The following RBFOX1 variants were observed in gnomAD, a reference collection of about 807,000 sequenced individuals.
RBFOX1 encodes RNA binding fox-1 homolog 1.
Under a neutral mutation model 57.7 loss-of-function variants are expected in RBFOX1, and 8 were observed. The ratio of observed to expected loss-of-function variants is 0.14; its 90% CI spans 0.08 to 0.25. The LOEUF (loss-of-function observed/expected upper bound fraction) is 0.25, where lower values mean the gene tolerates loss of function less well. Among genes scored for constraint, RBFOX1 ranks in the 10% least tolerant of loss-of-function variants. The pLI is 1.00. For synonymous variants in RBFOX1, 326 were observed against 222.4 expected (o/e 1.47, Z -4.15); for missense variants, 611 against 548.5 (o/e 1.11, Z -1.14).
chr16:6,977,316 A>G lies in RBFOX1; in HGVS notation c.-15-74741A>G, dbSNP rs576524054. On this transcript the variant is annotated intron_variant, in intron 3 of 15. Transcript: ENST00000550418. Reference sequence around the variant, plus strand: ...AATTTTCTTAATTATTGTGTTTTGCAAGAATTGATATTATGATCTTTGAAG... The same window carrying G: ...AATTTTCTTAATTATTGTGTTTTGCGAGAATTGATATTATGATCTTTGAAG... Among the ~76,000 whole-genome samples the G allele has an allele frequency of 2.7e-4, 41 of 152,060 alleles. 1 individual carries two copies. The highest frequency in any genetic ancestry group is 6.6e-4 in the Admixed American group (10 of 15,246).
chr16:7,270,390 ACGCAAGT>A (rs2095288672), intron 4 of RBFOX1, among the ~76,000 whole-genome samples: 1 of 152,218 alleles, frequency 6.6e-6, no homozygotes, highest in African/African-American at 2.4e-5. Flanking sequence ...AAGAAGTTTA[ACGCAAGT>A]AAAAAAAACA....
chr16:5,592,857 T>G (rs1331451519), intron 2 of RBFOX1, among the ~76,000 whole-genome samples: 1 of 152,126 alleles, frequency 6.6e-6, no homozygotes, highest in African/African-American at 2.4e-5. Flanking sequence ...GTCAGAACAC[T>G]TTAGGGTTCC....
chr16:5,744,690 C>T (rs963718094), intron 3 of RBFOX1, among the ~76,000 whole-genome samples: 2 of 152,168 alleles, frequency 1.3e-5, no homozygotes, highest in African/African-American at 4.8e-5. Flanking sequence ...GCTTTTGCCA[C>T]CTGAATCAGC....
In RBFOX1 at chr16:7,048,208, A is replaced by T. The variant is rs114928245; in HGVS notation, c.-15-3849A>T. ...ATTTTATTTTTATTTTTTTAAAAAA[A>T]TTTAGTTATTTTTATGGTTGTAAAA... On this transcript the variant is annotated intron_variant, in intron 3 of 15. Transcript: ENST00000550418. 9.9e-3 allele frequency among the ~76,000 whole-genome samples: 1,493 copies of T among 150,068 alleles called. 26 individuals carry two copies. Among genetic ancestry groups the T allele is most frequent in the African/African-American group, 0.034 (1,398 of 40,966 alleles).
chr16:6,283,796 C>T (rs1199260613), intron 1 of RBFOX1, among the ~76,000 whole-genome samples: 1 of 152,142 alleles, frequency 6.6e-6, no homozygotes, highest in Non-Finnish European at 1.5e-5. Context: ...CTGGGAAGTC[C>T]TCTGTGGTTT....
intron 3 of RBFOX1, among the ~76,000 whole-genome samples, chr16:5,845,298 C>T (rs998950360): frequency 5.9e-5 from 9 of 152,126 alleles, no homozygotes; most frequent in African/African-American, 2.2e-4. Flanking sequence ...ATATTCATTT[C>T]CTCCTTCTTC....
chr16:5,440,346 T>C (rs2068047046), intron 1 of RBFOX1, among the ~76,000 whole-genome samples: 1 of 152,192 alleles, frequency 6.6e-6, no homozygotes, highest in Non-Finnish European at 1.5e-5. Context: ...AGAAAGAATT[T>C]CTTTAGAAAG....
At chr16:7,096,665 C>T (rs2061745164) in intron 4 of RBFOX1, among the ~76,000 whole-genome samples, 1 of 152,094 alleles carries the variant, frequency 6.6e-6, no homozygotes, top group Admixed American at 6.5e-5. Context: ...AGCAGGTTGG[C>T]TCATGCCTGT....
intron 3 of RBFOX1, among the ~76,000 whole-genome samples, chr16:6,821,980 A>G (rs974096940): frequency 5.9e-5 from 9 of 152,054 alleles, no homozygotes; most frequent in African/African-American, 1.7e-4. Flanking sequence ...TTGGGGATGG[A>G]TGATACTTCG....
intron 1 of RBFOX1, among the ~76,000 whole-genome samples, chr16:5,286,832 A>T (rs1378683619): frequency 6.6e-6 from 1 of 152,234 alleles, no homozygotes; most frequent in Non-Finnish European, 1.5e-5. Flanking sequence ...AAATGAATGG[A>T]CCTGGTTTTA....
At chr16:5,351,764 G>A (rs191014091) in intron 1 of RBFOX1, among the ~76,000 whole-genome samples, 9 of 152,134 alleles carry the variant, frequency 5.9e-5, no homozygotes, top group South Asian at 2.1e-4. Context: ...TATCTGTCTC[G>A]GATGTTTGCT....
chr16:6,643,725 C>T (rs2098510659), intron 2 of RBFOX1, among the ~76,000 whole-genome samples: 1 of 152,056 alleles, frequency 6.6e-6, no homozygotes, highest in Non-Finnish European at 1.5e-5. Flanking sequence ...AAGCCAATTC[C>T]CTACACTCTA....
intron 3 of RBFOX1, among the ~76,000 whole-genome samples, chr16:6,885,751 C>T (rs186491943): frequency 2.0e-5 from 3 of 152,194 alleles, no homozygotes; most frequent in East Asian, 1.9e-4. Flanking sequence ...AGGCTGGTCT[C>T]GAACTCATGC....
intron 3 of RBFOX1, among the ~76,000 whole-genome samples, chr16:6,931,046 G>T (rs377559317): frequency 6.6e-6 from 1 of 151,714 alleles, no homozygotes; most frequent in Non-Finnish European, 1.5e-5. Context: ...GGTTTTGTTG[G>T]TTTGTTTTTC....
Position 7,174,870 on chromosome 16 carries a change from C to T in RBFOX1, c.27+122772C>T, listed in dbSNP as rs564590196. Among the ~76,000 whole-genome samples, 10 of 152,304 alleles carry T rather than the reference C, an allele frequency of 6.6e-5. No individual in the cohort carries two copies. In the South Asian group the frequency reaches 1.9e-3, roughly 28 times the overall value. ...AATATCCCCACCAGCAACATACAAG[C>T]ATCCAGGTTGTGCCACATCCTTGAC... On this transcript the variant is annotated intron_variant, in intron 4 of 15. Coordinates refer to ENST00000550418, the MANE Select transcript of RBFOX1 (RefSeq NM_018723.4).
intron 2 of RBFOX1, among the ~76,000 whole-genome samples, chr16:5,539,630 GACA>G (rs910728568): frequency 2.7e-5 from 4 of 150,232 alleles, no homozygotes; most frequent in African/African-American, 4.9e-5. Flanking sequence ...AAAACAAAAT[GACA>G]ACAACAACAA....
intron 4 of RBFOX1, among the ~76,000 whole-genome samples, chr16:7,189,133 G>A (rs1328072060): frequency 6.6e-6 from 1 of 151,994 alleles, no homozygotes; most frequent in East Asian, 1.9e-4. Flanking sequence ...TTTCTAGAAA[G>A]GAATCCTCAG....
At chr16:7,180,956 T>C (rs961290567) in intron 4 of RBFOX1, among the ~76,000 whole-genome samples, 3 of 152,202 alleles carry the variant, frequency 2.0e-5, no homozygotes. Flanking sequence ...TCACAACTAC[T>C]CAGCTTTGCA....
At chr16:6,832,499 A>G (rs988062772) in intron 3 of RBFOX1, among the ~76,000 whole-genome samples, 5 of 152,178 alleles carry the variant, frequency 3.3e-5, no homozygotes, top group African/African-American at 4.8e-5. Flanking sequence ...CCTATTGGGT[A>G]TTATCTTGAG....
Sources: gnomAD v4.1 joint callset for allele counts (sites outside exome capture counted in the v4.1 genomes callset) on GRCh38, gnomAD v4.1.1 for gene constraint, MANE v1.5 for transcripts, NCBI Gene and HGNC (gene_info 2026-07-23, HGNC 2026-07-21) for gene names.